The following ARMH1 variants were observed in gnomAD, a reference collection of about 807,000 sequenced individuals.
The protein encoded by ARMH1 is armadillo-like helical domain containing protein 1.
ARMH1 carries 34 observed loss-of-function variants against 50.2 expected under a neutral mutation model. That is an observed-to-expected ratio of 0.68 (90% CI 0.51 to 0.90). The LOEUF (loss-of-function observed/expected upper bound fraction) is 0.90, where lower values mean the gene tolerates loss of function less well. Ranked by LOEUF, ARMH1 falls within the 40% of genes least tolerant of loss-of-function variation. The probability of loss-of-function intolerance (pLI) is 0.00; values close to 1 mark genes in which losing one functional copy is unlikely to be tolerated. For synonymous variants in ARMH1, 221 were observed against 224.2 expected (o/e 0.99, Z 0.13); for missense variants, 538 against 553.9 (o/e 0.97, Z 0.29).
At chr1:44,678,278 A>G (rs1367902292) in intron 1 of ARMH1, among the ~76,000 whole-genome samples, 1 of 151,292 alleles carries the variant, frequency 6.6e-6, no homozygotes, top group East Asian at 2.0e-4. Context: ...GGAGAAGAAG[A>G]GTGGGGGCTG....
chr1:44,698,966 GC>G (rs1645927959), intron 4 of ARMH1, among the ~76,000 whole-genome samples: 3 of 151,628 alleles, frequency 2.0e-5, no homozygotes, highest in African/African-American at 7.3e-5. Flanking sequence ...GGCCAACATG[GC>G]AAAACCCCCT....
chr1:44,709,317 C>CT (rs112238391), intron 6 of ARMH1, among the ~76,000 whole-genome samples: 3,618 of 152,272 alleles, frequency 0.024, 150 homozygotes, highest in African/African-American at 0.083. Context: ...ATGTGGATGT[C>CT]TAACAGACAT....
At chr1:44,680,743 C>T (rs1380459774) in intron 1 of ARMH1, among the ~76,000 whole-genome samples, 3 of 152,056 alleles carry the variant, frequency 2.0e-5, no homozygotes, top group Non-Finnish European at 2.9e-5. Flanking sequence ...ATACGATGAT[C>T]GTAAGAGGAG....
At chr1:44,685,634 CTT>C (rs531526155) in intron 1 of ARMH1, among the ~76,000 whole-genome samples, 3 of 139,466 alleles carry the variant, frequency 2.2e-5, no homozygotes, top group African/African-American at 2.7e-5. Context: ...CTTTTTTTTT[CTT>C]TTTTTTTTTT....
chr1:44,702,710 CAAAAAAAAAA>C (rs11449439), intron 5 of ARMH1, among the ~76,000 whole-genome samples: 1 of 89,990 alleles, frequency 1.1e-5, no homozygotes, highest in Non-Finnish European at 2.2e-5. Flanking sequence ...GACTCCATCT[CAAAAAAAAAA>C]AAAAAAAAGA....
chr1:44,704,610 C>G (rs972850858), intron 6 of ARMH1, among the ~76,000 whole-genome samples: 3 of 151,496 alleles, frequency 2.0e-5, no homozygotes, highest in Non-Finnish European at 2.9e-5. Context: ...CTCCTGGGCT[C>G]AAGATATTCT....
rs527912485 is a variant in ARMH1, at chr1:44,709,472, A to G, written c.724+5299A>G. Among the ~76,000 whole-genome samples, 1,223 of 152,250 alleles carry G rather than the reference A, an allele frequency of 8.0e-3. 2 individuals are homozygous for G. Among genetic ancestry groups the G allele is most frequent in the Non-Finnish European group, 0.01 (707 of 68,002 alleles). On this transcript the variant is annotated intron_variant, in intron 6 of 11. Transcript: ENST00000535358. ...CGGATCACGAGGTCAGGAGATCGAG[A>G]CCATCCTGGCTAACACGGTGAAACC... is the stretch of plus-strand genomic sequence containing the variant.
intron 4 of ARMH1, 88 bp downstream of exon 4, chr1:44,698,317 C>A: frequency 1.7e-6 from 2 of 1,211,590 alleles, no homozygotes; most frequent in Non-Finnish European, 2.2e-6. Context: ...AAAAACACAT[C>A]ATGAAACTGG....
chr1:44,699,677 C>T (rs1484495973), intron 4 of ARMH1, among the ~76,000 whole-genome samples: 1 of 152,102 alleles, frequency 6.6e-6, no homozygotes, highest in Non-Finnish European at 1.5e-5. Context: ...GTCTCAAACT[C>T]ATGAGCTCAA....
At position 44,682,655 on chromosome 1, in the gene ARMH1, G is replaced by A. The variant is rs990756966; in HGVS notation, c.-22-7021G>A. On this transcript the variant is annotated intron_variant, in intron 1 of 11. Transcript: ENST00000535358. The surrounding 1 kb of genome is among the most constrained non-coding windows in gnomAD (Gnocchi z 4.5). The stretch of plus-strand genomic sequence containing the variant: ...AAATCTCACATCAAAGCCTGGCCTG[G>A]TGGCTCACACCTGTAATCCCAGTAC... 7.2e-5 allele frequency among the ~76,000 whole-genome samples: 11 copies of A among 152,206 alleles called. No individual in the cohort carries two copies. The highest frequency in any genetic ancestry group is 1.2e-4 in the Non-Finnish European group (8 of 68,040).
At chr1:44,677,296 T>C (rs1645169503) in intron 1 of ARMH1, among the ~76,000 whole-genome samples, 1 of 152,192 alleles carries the variant, frequency 6.6e-6, no homozygotes. Flanking sequence ...CAAGGTTGTG[T>C]AATATGCATT....
At chr1:44,712,335 G>A (rs1215835068) in intron 6 of ARMH1, among the ~76,000 whole-genome samples, 2 of 152,110 alleles carry the variant, frequency 1.3e-5, no homozygotes, top group Non-Finnish European at 2.9e-5. Flanking sequence ...GCAGGAGCCT[G>A]TAATCCCAGC....
intron 6 of ARMH1, among the ~76,000 whole-genome samples, chr1:44,713,887 C>T (rs1557555759): frequency 6.6e-6 from 1 of 152,204 alleles, no homozygotes; most frequent in Non-Finnish European, 1.5e-5. Flanking sequence ...ATAGCACATA[C>T]ATTAGTTACT....
chr1:44,699,211 G>T lies in ARMH1; in HGVS notation c.442+982G>T, dbSNP rs1225610008. Among the ~76,000 whole-genome samples, 3 of 150,402 alleles carry T rather than the reference G, an allele frequency of 2.0e-5. No homozygotes were observed. In the East Asian group the frequency reaches 6.0e-4, roughly 30 times the overall value. ...AGGTGGGAGAATCGCTTGAACCCGGGAGGTGGACATTGCAGTGAGCCGAGA... is the reference window on the plus strand; with the variant it reads ...AGGTGGGAGAATCGCTTGAACCCGGTAGGTGGACATTGCAGTGAGCCGAGA... On this transcript the variant is annotated intron_variant, in intron 4 of 11. Coordinates refer to ENST00000535358, the MANE Select transcript of ARMH1 (RefSeq NM_001145636.2).
rs561963692 is a variant in ARMH1 at position 44,681,087 on chromosome 1, C to T, written c.-23+6214C>T. On this transcript the variant is annotated intron_variant, in intron 1 of 11. Transcript: ENST00000535358. The surrounding 1 kb of genome is among the most constrained non-coding windows in gnomAD (Gnocchi z 4.3). ...TCGGCTCACTGCAAGCTCCACCTCC[C>T]GGGTTCACGCCATTCTCCTGCCTCA... is the stretch of plus-strand genomic sequence containing the variant. 1.3e-5 allele frequency among the ~76,000 whole-genome samples: 2 copies of T among 151,710 alleles called. No homozygotes were observed. The highest frequency in any genetic ancestry group is 6.6e-5 in the Admixed American group (1 of 15,228).
intron 5 of ARMH1, 43 bp downstream of exon 5, chr1:44,701,162 A>G: frequency 6.7e-7 from 1 of 1,489,416 alleles, no homozygotes; most frequent in Non-Finnish European, 9.0e-7. Flanking sequence ...ATTCAGATGC[A>G]ATAATCTTAC....
chr1:44,719,222 G>A (rs1646981387), intron 6 of ARMH1, among the ~76,000 whole-genome samples: 1 of 108,794 alleles, frequency 9.2e-6, no homozygotes, highest in South Asian at 3.0e-4. Flanking sequence ...GGGAAAACCA[G>A]GATGAGACAA....
intron 2 of ARMH1, among the ~76,000 whole-genome samples, chr1:44,696,451 G>A (rs745727583): frequency 3.3e-5 from 5 of 152,188 alleles, no homozygotes; most frequent in Non-Finnish European, 7.4e-5. Flanking sequence ...TTCCTTTTCT[G>A]TTGTGGCTTG....
At chr1:44,703,782 A>C (rs1646205487) in intron 5 of ARMH1, among the ~76,000 whole-genome samples, 1 of 141,218 alleles carries the variant, frequency 7.1e-6, no homozygotes, top group South Asian at 2.6e-4. Context: ...GCTGGAGTGC[A>C]GTGGCGCGAT....
Sources: gnomAD v4.1 joint callset for allele counts (sites outside exome capture counted in the v4.1 genomes callset) on GRCh38, gnomAD v4.1.1 for gene constraint, Gnocchi (gnomAD v3.1) non-coding constraint, MANE v1.5 for transcripts, NCBI Gene and HGNC (gene_info 2026-07-23, HGNC 2026-07-21) for gene names.